Variants in SPRYD3 observed in about 807,000 individuals in gnomAD.
SPRYD3 encodes the protein SPRY domain containing 3.
A neutral mutation model predicts 50.1 loss-of-function variants in SPRYD3; 17 were observed. That is an observed-to-expected ratio of 0.34 (90% CI 0.23 to 0.51). The LOEUF (loss-of-function observed/expected upper bound fraction) is 0.51. Among genes scored for constraint, SPRYD3 ranks in the 20% least tolerant of loss-of-function variants. SPRYD3 has a pLI of 0.97. For synonymous variants in SPRYD3, 198 were observed against 215.5 expected (o/e 0.92, Z 0.71); for missense variants, 401 against 591.2 (o/e 0.68, Z 3.34).
intron 2 of SPRYD3, among the ~76,000 whole-genome samples, chr12:53,076,706 A>C (rs1944590676): frequency 6.6e-6 from 1 of 152,176 alleles, no homozygotes; most frequent in African/African-American, 2.4e-5. Flanking sequence ...TCCACTCAGA[A>C]AGGCCTCTGG....
intron 8 of SPRYD3, among the ~76,000 whole-genome samples, chr12:53,067,026 C>T (rs1446400421): frequency 6.7e-6 from 1 of 149,804 alleles, no homozygotes; most frequent in Non-Finnish European, 1.5e-5. Flanking sequence ...GGGAGGATCA[C>T]TTGAGCCTGG....
chr12:53,072,643 G>A (rs545022605), intron 6 of SPRYD3, among the ~76,000 whole-genome samples: 13 of 152,164 alleles, frequency 8.5e-5, no homozygotes, highest in South Asian at 2.1e-4. Flanking sequence ...CTTAAAATCC[G>A]GGGAGGAAGA....
intron 6 of SPRYD3, among the ~76,000 whole-genome samples, chr12:53,070,436 G>A (rs1036386948): frequency 5.9e-5 from 9 of 152,190 alleles, no homozygotes; most frequent in African/African-American, 1.2e-4. Context: ...GAGGAGGAGT[G>A]AAGGTTAACC....
intron 6 of SPRYD3, chr12:53,073,067 C>A: frequency 2.2e-6 from 1 of 451,396 alleles, no homozygotes; most frequent in Admixed American, 3.9e-5. Context: ...ACCTGAGTTC[C>A]CTGAAGAGGA....
rs1944491640 is a variant in SPRYD3, at chr12:53,065,135, C to T, written c.*697G>A. The stretch of plus-strand genomic sequence containing the variant: ...GAGTGAAGGCCCTAGTGCCCTGTCA[C>T]CTCACAGCCCCTCTCTCTTAAACAT... On this transcript the variant is annotated 3_prime_UTR_variant, in exon 11 of 11. Transcript: ENST00000301463. 1 of 152,396 alleles carries T rather than the reference C, an allele frequency of 6.6e-6. No individual in the cohort carries two copies. Among genetic ancestry groups the T allele is most frequent in the Non-Finnish European group, 1.5e-5 (1 of 68,132 alleles). 9.4% of individuals were successfully genotyped at this position (152,396 alleles called of 1,614,324 possible).
At chr12:53,075,617 A>C (rs769865386) in intron 3 of SPRYD3, 119 bp downstream of exon 3, 27 of 795,392 alleles carry the variant, frequency 3.4e-5, no homozygotes, top group Middle Eastern at 2.4e-4. Context: ...AGCCAACAGG[A>C]CAGCCCTGAT....
At chr12:53,066,047 A>ACC in intron 10 of SPRYD3, 81 bp from the exon 11 acceptor site, 1 of 1,513,756 alleles carries the variant, frequency 6.6e-7, no homozygotes. Context: ...ACAGGCCTGA[A>ACC]CCCCAATCAC....
chr12:53,079,298 G>C lies in SPRYD3; in HGVS notation c.23+13C>G. 6.3e-7 allele frequency: 1 copy of C among 1,592,294 alleles called. No individual in the cohort carries two copies. The highest frequency in any genetic ancestry group is 8.6e-7 in the Non-Finnish European group (1 of 1,168,236). The stretch of plus-strand genomic sequence containing the variant: ...ACGAGGCCTCCGGGACCCCGCCCCC[G>C]ATCCCCGCCTACCGGGGCCGCCGCG... On this transcript the variant is annotated intron_variant, in intron 1 of 10. Coordinates refer to ENST00000301463, the MANE Select transcript of SPRYD3 (RefSeq NM_032840.3).
intron 1 of SPRYD3, among the ~76,000 whole-genome samples, chr12:53,078,345 C>T (rs536108938): frequency 2.0e-4 from 30 of 151,974 alleles, no homozygotes; most frequent in African/African-American, 4.6e-4. Flanking sequence ...ACAAATTAGC[C>T]AGGCGTGGTG....
intron 4 of SPRYD3, 67 bp downstream of exon 4, chr12:53,075,024 AAGGT>A: frequency 6.3e-7 from 1 of 1,586,050 alleles, no homozygotes; most frequent in East Asian, 2.3e-5. Flanking sequence ...AAGCCAGCCC[AAGGT>A]AGTTCTTCAG....
chr12:53,070,983 G>A (rs564458496), intron 6 of SPRYD3, among the ~76,000 whole-genome samples: 7 of 152,258 alleles, frequency 4.6e-5, no homozygotes, highest in Non-Finnish European at 8.8e-5. Flanking sequence ...AGTGGCGGCT[G>A]CAGACCAGAG....
At chr12:53,069,069 T>G (rs181645356) in intron 6 of SPRYD3, among the ~76,000 whole-genome samples, 1 of 152,056 alleles carries the variant, frequency 6.6e-6, no homozygotes, top group African/African-American at 2.4e-5. Flanking sequence ...AGATGACTGA[T>G]GGGTTCTTGG....
Position 53,066,516 on chromosome 12 carries a change from G to C in SPRYD3, c.1022-30C>G, listed in dbSNP as rs1052470987. On this transcript the variant is annotated intron_variant, in intron 9 of 10. Transcript: ENST00000301463. ...GAGACCAGGAAACCTGAGCTCCTGT[G>C]GTGCCTTTCCACCCTCGGCCCCAAG... The C allele has an allele frequency of 8.7e-6, 14 of 1,614,012 alleles. 1 individual carries two copies. Among genetic ancestry groups the C allele is most frequent in the Middle Eastern group, 1.6e-4 (1 of 6,062 alleles).
At chr12:53,073,256 G>GCCCCCGGGGGGGGGGGGGGGGGCC in intron 6 of SPRYD3, 30 bp downstream of exon 6, 2 of 424,132 alleles carry the variant, frequency 4.7e-6, no homozygotes, top group Non-Finnish European at 4.4e-6. Context: ...CTCCGACCCA[G>GCCCCCGGGGGGGGGGGGGGGGGCC]CCCCTCCCAC....
At position 53,066,622 on chromosome 12, in the gene SPRYD3, G is replaced by A; in HGVS notation, c.972C>T (p.Ile324=). The A allele has an allele frequency of 6.2e-7, 1 of 1,614,098 alleles. No individual in the cohort carries two copies. The highest frequency in any genetic ancestry group is 8.5e-7 in the Non-Finnish European group (1 of 1,179,988). ...PFGPRCYKGD[I]MGCGIMFPRD... ...GGGGGAACATGATTCCACAGCCCATGATGTCCCCTTTGTAACAGCGTGGCC... is the reference window on the plus strand; with the variant it reads ...GGGGGAACATGATTCCACAGCCCATAATGTCCCCTTTGTAACAGCGTGGCC... Residue 324 remains isoleucine, a synonymous_variant, in exon 9 of 11, where the codon ATC becomes ATT. Transcript: ENST00000301463.
chr12:53,071,606 T>A (rs1422687954), intron 6 of SPRYD3, among the ~76,000 whole-genome samples: 1 of 151,722 alleles, frequency 6.6e-6, no homozygotes, highest in African/African-American at 2.4e-5. Flanking sequence ...GGGCAGTGGC[T>A]CATGCCTCTA....
At chr12:53,075,877 C>T (rs1944584427) in intron 2 of SPRYD3, 66 bp from the exon 3 acceptor site, 2 of 1,270,550 alleles carry the variant, frequency 1.6e-6, no homozygotes, top group African/African-American at 2.9e-5. Flanking sequence ...AGGGCCTCAG[C>T]TTCTCCCACC....
intron 6 of SPRYD3, 140 bp downstream of exon 6, chr12:53,073,146 C>T (rs551716114): frequency 1.7e-6 from 1 of 585,044 alleles, no homozygotes; most frequent in East Asian, 2.9e-5. Context: ...ATGTCAAGAG[C>T]CTAGGCTATC....
chr12:53,078,250 A>C (rs1410431988), intron 1 of SPRYD3: 1 of 317,384 alleles, frequency 3.2e-6, no homozygotes, highest in African/African-American at 2.2e-5. Context: ...GCACTTTGGG[A>C]GGCCGAAGTG....
Sources: allele counts gnomAD v4.1 joint callset (sites outside exome capture counted in the v4.1 genomes callset), GRCh38; gene constraint gnomAD v4.1.1; transcripts MANE v1.5; gene names NCBI Gene and HGNC (gene_info 2026-07-23, HGNC 2026-07-21).